The following SVOP variants were observed in gnomAD, a reference collection of about 807,000 sequenced individuals.
SVOP encodes the protein SV2 related protein.
A neutral mutation model predicts 69.1 loss-of-function variants in SVOP; 17 were observed. The observed-to-expected ratio is 0.25, with a 90% CI of 0.17 to 0.37. The LOEUF (loss-of-function observed/expected upper bound fraction) is 0.37. SVOP is among the 10% of genes least tolerant of loss of function. The probability of loss-of-function intolerance (pLI) is 1.00; values close to 1 mark genes in which losing one functional copy is unlikely to be tolerated. For synonymous variants in SVOP, 238 were observed against 238.6 expected (o/e 1.00, Z 0.02); for missense variants, 435 against 597.5 (o/e 0.73, Z 2.84).
chr12:108,979,174 T>C (rs967713441), intron 2 of SVOP, among the ~76,000 whole-genome samples: 4 of 152,124 alleles, frequency 2.6e-5, no homozygotes, highest in Admixed American at 1.3e-4. Context: ...AAAAATTATA[T>C]GAGAATTAAC....
chr12:108,912,077 A>T lies in SVOP; in HGVS notation c.*458T>A. 1 of 772,740 alleles carries T rather than the reference A, an allele frequency of 1.3e-6. No individual in the cohort carries two copies. Among genetic ancestry groups the T allele is most frequent in the Non-Finnish European group, 1.6e-6 (1 of 632,154 alleles). 47.9% of individuals were successfully genotyped at this position (772,740 alleles called of 1,614,324 possible). On this transcript the variant is annotated 3_prime_UTR_variant, in exon 16 of 16. Coordinates refer to ENST00000610966, the MANE Select transcript of SVOP (RefSeq NM_018711.5). ...CACACCTAGATCGCCTGCAATTTCAAAGAAGAAAGCCTGGGGCTGTGAGTG... is the reference window on the plus strand; with the variant it reads ...CACACCTAGATCGCCTGCAATTTCATAGAAGAAAGCCTGGGGCTGTGAGTG...
chr12:108,998,312 G>C (rs1351190301), intron 1 of SVOP, among the ~76,000 whole-genome samples: 2 of 151,972 alleles, frequency 1.3e-5, no homozygotes, highest in African/African-American at 4.8e-5. Context: ...GGGACTATGT[G>C]AAAAGACCAA....
At chr12:109,009,151 A>G (rs990886351) in intron 1 of SVOP, among the ~76,000 whole-genome samples, 1 of 151,342 alleles carries the variant, frequency 6.6e-6, no homozygotes, top group Non-Finnish European at 1.5e-5. Flanking sequence ...TAGTAGAGAC[A>G]GGGTTTTGCC....
chr12:108,968,347 A>T (rs768766550), intron 5 of SVOP, among the ~76,000 whole-genome samples: 19 of 152,194 alleles, frequency 1.2e-4, no homozygotes, highest in Non-Finnish European at 2.4e-4. Context: ...TGTGGCAGAC[A>T]ACACTAGTCA....
chr12:108,979,131 A>G (rs138641993), intron 2 of SVOP, among the ~76,000 whole-genome samples: 4,008 of 152,280 alleles, frequency 0.026, 184 homozygotes, highest in African/African-American at 0.091. Context: ...GCTTTGAATT[A>G]TGGTTTAATT....
intron 1 of SVOP, among the ~76,000 whole-genome samples, chr12:108,990,601 A>G (rs1264120915): frequency 6.6e-6 from 1 of 152,136 alleles, no homozygotes; most frequent in East Asian, 1.9e-4. Context: ...TGGCACATGT[A>G]TACATATGTA....
chr12:108,997,910 T>C (rs1420928304), intron 1 of SVOP, among the ~76,000 whole-genome samples: 1 of 149,400 alleles, frequency 6.7e-6, no homozygotes, highest in Non-Finnish European at 1.5e-5. Flanking sequence ...GCGCCTCTCC[T>C]CCTCCAAAGG....
intron 11 of SVOP, among the ~76,000 whole-genome samples, chr12:108,924,446 G>A (rs1304672744): frequency 6.6e-6 from 1 of 152,116 alleles, no homozygotes; most frequent in Non-Finnish European, 1.5e-5. Context: ...AGTTGCTCAG[G>A]CAGAAAGCCT....
Position 108,912,717 on chromosome 12 carries a change from G to A in SVOP, c.1465C>T (p.Leu489=), listed in dbSNP as rs1386329160. Residue 489 remains leucine, a synonymous_variant, in exon 16 of 16, where the codon CTG becomes TTG. Transcript: ENST00000610966. ...AQVMLESSVY[L]TLAVYSGCCL... ...CAGCCACTGTAAACTGCCAGAGTCA[G>A]GTACACAGAGGATTCCAGCATCACC... is the stretch of plus-strand genomic sequence containing the variant. 1 of 1,613,900 alleles carries A rather than the reference G, an allele frequency of 6.2e-7. No homozygotes were observed. The highest frequency in any genetic ancestry group is 1.6e-4 in the Middle Eastern group (1 of 6,062).
chr12:108,976,293 A>C (rs1471281048), intron 4 of SVOP, among the ~76,000 whole-genome samples: 1 of 152,084 alleles, frequency 6.6e-6, no homozygotes, highest in African/African-American at 2.4e-5. Flanking sequence ...TGCTGTGTGG[A>C]AGGCACTCAG....
chr12:108,914,756 C>T (rs1171461322), intron 15 of SVOP, among the ~76,000 whole-genome samples: 3 of 151,864 alleles, frequency 2.0e-5, no homozygotes, highest in Admixed American at 6.6e-5. Context: ...GGGGGTTTCA[C>T]CATGTTGGCC....
At chr12:108,978,077 G>C (rs867961745) in intron 3 of SVOP, among the ~76,000 whole-genome samples, 14 of 152,110 alleles carry the variant, frequency 9.2e-5, no homozygotes, top group African/African-American at 3.1e-4. Flanking sequence ...TTCCAATTAG[G>C]GGGGGAAATG....
intron 11 of SVOP, among the ~76,000 whole-genome samples, chr12:108,928,191 A>C (rs772797343): frequency 6.6e-6 from 1 of 152,142 alleles, no homozygotes; most frequent in South Asian, 2.1e-4. Context: ...GGTGTGAGCC[A>C]CCATGCGCAG....
At chr12:108,979,106 T>C (rs2040122484) in intron 2 of SVOP, among the ~76,000 whole-genome samples, 2 of 152,344 alleles carry the variant, frequency 1.3e-5, no homozygotes, top group South Asian at 2.1e-4. Context: ...TATCTATCCG[T>C]AGAATATATA....
chr12:109,020,759 C>CCCG (rs1555254168), intron 1 of SVOP, 75 bp downstream of exon 1: 2 of 314,282 alleles, frequency 6.4e-6, no homozygotes, highest in East Asian at 2.4e-4. Context: ...GATGTACCCC[C>CCCG]CCCCACCCCC....
chr12:108,960,828 C>G (rs2040013902), intron 6 of SVOP, 95 bp downstream of exon 6: 1 of 1,441,210 alleles, frequency 6.9e-7, no homozygotes, highest in East Asian at 2.5e-5. Flanking sequence ...TGCACCCCTG[C>G]TGCCCCATCT....
intron 1 of SVOP, among the ~76,000 whole-genome samples, chr12:109,014,677 A>G (rs1417745379): frequency 2.6e-5 from 4 of 152,138 alleles, no homozygotes; most frequent in African/African-American, 7.2e-5. Context: ...AAAAGTTCCA[A>G]TTTCTCTACA....
At chr12:108,920,387 A>C (rs1405777692) in intron 12 of SVOP, among the ~76,000 whole-genome samples, 1 of 152,180 alleles carries the variant, frequency 6.6e-6, no homozygotes, top group African/African-American at 2.4e-5. Flanking sequence ...CACTGAATCC[A>C]GGGAACAGGA....
At chr12:108,972,356 AC>A in intron 5 of SVOP, 48 bp downstream of exon 5, 1 of 1,526,208 alleles carries the variant, frequency 6.6e-7, no homozygotes, top group Non-Finnish European at 8.8e-7. Flanking sequence ...CCAGACCATC[AC>A]CAAGACAACC....
Sources: allele counts gnomAD v4.1 joint callset (sites outside exome capture counted in the v4.1 genomes callset), GRCh38; gene constraint gnomAD v4.1.1; transcripts MANE v1.5; gene names NCBI Gene and HGNC (gene_info 2026-07-23, HGNC 2026-07-21).